Variants in SEMA6A observed in about 807,000 individuals in gnomAD.
SEMA6A encodes semaphorin-6A.
SEMA6A carries 25 observed loss-of-function variants against 96.8 expected under a neutral mutation model. The observed-to-expected ratio is 0.26, with a 90% CI of 0.19 to 0.36. SEMA6A has a LOEUF of 0.36. SEMA6A is among the 10% of genes least tolerant of loss of function. The pLI is 1.00. For missense variants in SEMA6A, 1,363 were observed against 1,323.1 expected (o/e 1.03, Z -0.47); for synonymous variants, 612 against 518.0 (o/e 1.18, Z -2.46).
intron 1 of SEMA6A, among the ~76,000 whole-genome samples, chr5:116,562,279 A>T (rs1580520033): frequency 6.6e-6 from 1 of 152,252 alleles, no homozygotes; most frequent in Non-Finnish European, 1.5e-5. Flanking sequence ...TTTATAATTC[A>T]TAAGCATAAT....
chr5:116,490,873 C>T (rs1427276767), intron 7 of SEMA6A, among the ~76,000 whole-genome samples: 1 of 152,208 alleles, frequency 6.6e-6, no homozygotes, highest in Non-Finnish European at 1.5e-5. Flanking sequence ...CACCCACCTC[C>T]ACATACACAG....
In SEMA6A at chr5:116,504,871, T is replaced by C; in HGVS notation, c.74A>G (p.Glu25Gly). ...FAGAGFPEDSEPISISHGNYT... is the reference protein window; with the variant it reads ...FAGAGFPEDSGPISISHGNYT... ...GTTGCCATGCGAAATACTGATTGGC[T>C]CAGAATCTTCTGGGAAACCAGCCCC... Residue 25 changes from glutamate to glycine, a missense_variant, in exon 2 of 19, where the codon GAG (glutamate) becomes GGG (glycine). Coordinates refer to ENST00000343348, the MANE Select transcript of SEMA6A (RefSeq NM_020796.5). 6.2e-7 allele frequency: 1 copy of C among 1,601,890 alleles called. No individual in the cohort carries two copies. The highest frequency in any genetic ancestry group is 8.5e-7 in the Non-Finnish European group (1 of 1,174,088).
intron 18 of SEMA6A, among the ~76,000 whole-genome samples, chr5:116,459,347 G>A (rs1755226268): frequency 6.6e-6 from 1 of 152,084 alleles, no homozygotes; most frequent in Non-Finnish European, 1.5e-5. Flanking sequence ...TATTATATAT[G>A]TATCACCTGT....
chr5:116,465,073 G>C (rs1453119636), intron 18 of SEMA6A, among the ~76,000 whole-genome samples: 1 of 152,188 alleles, frequency 6.6e-6, no homozygotes, highest in Non-Finnish European at 1.5e-5. Flanking sequence ...CGACCCAGTA[G>C]AAAGAGCACC....
intron 1 of SEMA6A, among the ~76,000 whole-genome samples, chr5:116,542,725 C>T (rs924220340): frequency 6.6e-6 from 1 of 152,132 alleles, no homozygotes; most frequent in African/African-American, 2.4e-5. Context: ...TATCTTAAAC[C>T]CTGGTCAAGC....
chr5:116,533,156 A>G (rs942060174), intron 1 of SEMA6A, among the ~76,000 whole-genome samples: 1 of 152,240 alleles, frequency 6.6e-6, no homozygotes, highest in African/African-American at 2.4e-5. Context: ...TTGCTAAGTC[A>G]ACATTTCAAA....
intron 1 of SEMA6A, among the ~76,000 whole-genome samples, chr5:116,510,217 CTGTTGT>C (rs1758344202): frequency 6.6e-6 from 1 of 152,162 alleles, no homozygotes; most frequent in African/African-American, 2.4e-5. Context: ...ACAGAGAACA[CTGTTGT>C]TACCATGTAA....
intron 9 of SEMA6A, 58 bp from the exon 10 acceptor site, chr5:116,487,024 AGTAGAAT>A (rs1033039935): frequency 8.0e-7 from 1 of 1,246,372 alleles, no homozygotes; most frequent in African/African-American, 1.5e-5. Context: ...AGGAGATCTT[AGTAGAAT>A]CTGCATTCCT....
intron 1 of SEMA6A, among the ~76,000 whole-genome samples, chr5:116,553,931 T>G (rs1760512276): frequency 6.6e-6 from 1 of 152,184 alleles, no homozygotes; most frequent in Admixed American, 6.5e-5. Context: ...CCAGCCTGGG[T>G]TAATACCAAT....
At chr5:116,517,253 G>A (rs908654574) in intron 1 of SEMA6A, among the ~76,000 whole-genome samples, 1 of 151,440 alleles carries the variant, frequency 6.6e-6, no homozygotes, top group Non-Finnish European at 1.5e-5. Flanking sequence ...CTCCACTGGT[G>A]TATGTTTCCC....
chr5:116,460,976 T>G (rs531122640), intron 18 of SEMA6A, among the ~76,000 whole-genome samples: 17 of 152,224 alleles, frequency 1.1e-4, no homozygotes, highest in Admixed American at 8.5e-4. Flanking sequence ...TCTCTAAAAA[T>G]TAAACTTTTT....
chr5:116,546,429 C>T (rs974084500), intron 1 of SEMA6A, among the ~76,000 whole-genome samples: 1 of 152,254 alleles, frequency 6.6e-6, no homozygotes, highest in Admixed American at 6.5e-5. Flanking sequence ...GCACCCCACA[C>T]TGTATGTGTC....
rs1291493179 is a variant in SEMA6A, at chr5:116,496,236, A to G, written c.342+15T>C. On this transcript the variant is annotated intron_variant, in intron 5 of 18. Transcript: ENST00000343348. Reference sequence around the variant, plus strand: ...ACCCAAAGTGGCAGCTGCAGGAGAAATGAAAATTGCCTACCTTATGTTTTC... The same window carrying G: ...ACCCAAAGTGGCAGCTGCAGGAGAAGTGAAAATTGCCTACCTTATGTTTTC... 1.2e-6 allele frequency: 2 copies of G among 1,611,026 alleles called. No individual in the cohort carries two copies. The highest frequency in any genetic ancestry group is 2.7e-5 in the African/African-American group (2 of 73,994).
chr5:116,489,770 G>A (rs1757245213), intron 7 of SEMA6A, among the ~76,000 whole-genome samples: 2 of 152,162 alleles, frequency 1.3e-5, no homozygotes, highest in South Asian at 4.1e-4. Context: ...CCAGGCATAA[G>A]AGAATAAAGC....
At chr5:116,560,972 G>C (rs1306532473) in intron 1 of SEMA6A, among the ~76,000 whole-genome samples, 1 of 152,142 alleles carries the variant, frequency 6.6e-6, no homozygotes, top group Non-Finnish European at 1.5e-5. Context: ...ACTATGATTG[G>C]ACAATTTTAA....
chr5:116,505,446 G>GACAC (rs1203458681), intron 1 of SEMA6A, among the ~76,000 whole-genome samples: 9 of 127,760 alleles, frequency 7.0e-5, no homozygotes, highest in Non-Finnish European at 8.2e-5. Flanking sequence ...CAGGTACACA[G>GACAC]ACACACGCAC....
At chr5:116,511,141 T>C (rs948136486) in intron 1 of SEMA6A, among the ~76,000 whole-genome samples, 2 of 152,300 alleles carry the variant, frequency 1.3e-5, no homozygotes, top group Middle Eastern at 6.8e-3. Context: ...GATGCTCAAG[T>C]CCCTTGAATA....
At chr5:116,537,877 T>C (rs893454744) in intron 1 of SEMA6A, among the ~76,000 whole-genome samples, 1 of 152,110 alleles carries the variant, frequency 6.6e-6, no homozygotes, top group Non-Finnish European at 1.5e-5. Context: ...CTTCATCTGC[T>C]CCTAAAAACT....
chr5:116,507,040 G>A (rs1758174214), intron 1 of SEMA6A, among the ~76,000 whole-genome samples: 1 of 152,166 alleles, frequency 6.6e-6, no homozygotes, highest in South Asian at 2.1e-4. Context: ...CCCAGAAGCT[G>A]GCAGGAAGAG....
Sources: gnomAD v4.1 joint callset for allele counts (sites outside exome capture counted in the v4.1 genomes callset) on GRCh38, gnomAD v4.1.1 for gene constraint, MANE v1.5 for transcripts, NCBI Gene and HGNC (gene_info 2026-07-23, HGNC 2026-07-21) for gene names.